CACNB2: variants seen among roughly 807,000 people sequenced by gnomAD.
The protein encoded by CACNB2 is calcium voltage-gated channel auxiliary subunit beta 2, also known as voltage-dependent L-type calcium channel subunit beta-2.
Under a neutral mutation model 73.3 loss-of-function variants are expected in CACNB2, and 42 were observed. The ratio of observed to expected loss-of-function variants is 0.57; its 90% CI spans 0.45 to 0.74. The LOEUF is 0.74. CACNB2 is among the 30% of genes least tolerant of loss of function. The pLI is 0.00. For missense variants in CACNB2, 940 were observed against 853.0 expected (o/e 1.10, Z -1.27); for synonymous variants, 348 against 310.3 (o/e 1.12, Z -1.28).
At chr10:18,255,501 T>G (rs2037247123) in intron 2 of CACNB2, among the ~76,000 whole-genome samples, 1 of 152,190 alleles carries the variant, frequency 6.6e-6, no homozygotes, top group African/African-American at 2.4e-5. Context: ...TTGATTCAAA[T>G]TGCCTTGCCC....
chr10:18,321,989 C>T (rs188865454), intron 2 of CACNB2, among the ~76,000 whole-genome samples: 1 of 152,032 alleles, frequency 6.6e-6, no homozygotes, highest in African/African-American at 2.4e-5. Context: ...TCTGTCTCTA[C>T]AAAAAATTAT....
intron 2 of CACNB2, chr10:18,181,887 T>A (rs767497985): frequency 2.6e-5 from 4 of 152,018 alleles, no homozygotes; most frequent in Non-Finnish European, 4.4e-5. Flanking sequence ...CTCCCAAAGT[T>A]CTGAGATTAC....
chr10:18,352,560 T>A (rs1026280275), intron 2 of CACNB2, among the ~76,000 whole-genome samples: 2 of 152,216 alleles, frequency 1.3e-5, no homozygotes, highest in Non-Finnish European at 2.9e-5. Context: ...AGCACTCTTG[T>A]TTACTTAGTT....
intron 5 of CACNB2, 105 bp downstream of exon 5, chr10:18,501,053 G>T (rs927410812): frequency 8.7e-7 from 1 of 1,150,768 alleles, no homozygotes; most frequent in Non-Finnish European, 1.3e-6. Flanking sequence ...TAACAAGGAG[G>T]CTGGTAATAT....
At chr10:18,305,653 G>C (rs2039699382) in intron 2 of CACNB2, among the ~76,000 whole-genome samples, 1 of 152,094 alleles carries the variant, frequency 6.6e-6, no homozygotes, top group African/African-American at 2.4e-5. Flanking sequence ...AGACAAACTG[G>C]AAGTCCCAAT....
At chr10:18,300,905 G>GA (rs1330628844) in intron 2 of CACNB2, among the ~76,000 whole-genome samples, 2 of 152,170 alleles carry the variant, frequency 1.3e-5, no homozygotes, top group South Asian at 2.1e-4. Context: ...TGACTTCTGG[G>GA]AAAAAAAGTA....
chr10:18,238,853 T>C (rs1044096176), intron 2 of CACNB2, among the ~76,000 whole-genome samples: 1 of 152,214 alleles, frequency 6.6e-6, no homozygotes, highest in Non-Finnish European at 1.5e-5. Context: ...CGTAAACCAT[T>C]CAACTATTTT....
At chr10:18,432,985 A>G (rs1302902451) in intron 3 of CACNB2, among the ~76,000 whole-genome samples, 1 of 152,212 alleles carries the variant, frequency 6.6e-6, no homozygotes, top group African/African-American at 2.4e-5. Context: ...GGTGTCAGCT[A>G]TCTTTTATGA....
At chr10:18,251,243 C>CTT (rs373174984) in intron 2 of CACNB2, among the ~76,000 whole-genome samples, 4 of 147,188 alleles carry the variant, frequency 2.7e-5, no homozygotes, top group Non-Finnish European at 3.0e-5. Flanking sequence ...TCTCTCGGCT[C>CTT]TTTTTTTTTT....
chr10:18,155,755 C>T (rs1330018006), intron 2 of CACNB2, among the ~76,000 whole-genome samples: 1 of 151,986 alleles, frequency 6.6e-6, no homozygotes, highest in Admixed American at 6.6e-5. Flanking sequence ...AGTTTTATGA[C>T]AGTGCAGTGG....
At chr10:18,290,825 C>T (rs1267952706) in intron 2 of CACNB2, among the ~76,000 whole-genome samples, 2 of 152,214 alleles carry the variant, frequency 1.3e-5, no homozygotes, top group Non-Finnish European at 2.9e-5. Context: ...CTAATCACTA[C>T]TGATAGTAGC....
intron 2 of CACNB2, among the ~76,000 whole-genome samples, chr10:18,240,984 A>T (rs2036627642): frequency 1.3e-5 from 2 of 152,182 alleles, no homozygotes; most frequent in Non-Finnish European, 2.9e-5. Context: ...ACTTAGGACA[A>T]ACCTGCCTCC....
intron 2 of CACNB2, among the ~76,000 whole-genome samples, chr10:18,353,400 ACT>A (rs1374024972): frequency 7.4e-6 from 1 of 134,992 alleles, no homozygotes; most frequent in African/African-American, 2.9e-5. Context: ...ACAGAGCAAG[ACT>A]CTGTCTCCAA....
intron 2 of CACNB2, among the ~76,000 whole-genome samples, chr10:18,246,295 A>T (rs906702726): frequency 1.3e-5 from 2 of 152,222 alleles, no homozygotes; most frequent in Admixed American, 6.5e-5. Flanking sequence ...TGCTCAGCAC[A>T]TAACAAGCAC....
intron 2 of CACNB2, among the ~76,000 whole-genome samples, chr10:18,287,364 A>G (rs2038849137): frequency 6.6e-6 from 1 of 152,164 alleles, no homozygotes; most frequent in East Asian, 1.9e-4. Flanking sequence ...AAATTCTGAC[A>G]TTTTTCCCTT....
At chr10:18,340,903 G>C in intron 2 of CACNB2, 1 of 1,614,032 alleles carries the variant, frequency 6.2e-7, no homozygotes, top group Non-Finnish European at 8.5e-7. Flanking sequence ...CTGGAGTGCT[G>C]GGCGCACTTG....
chr10:18,259,400 C>T (rs1222923035), intron 2 of CACNB2, among the ~76,000 whole-genome samples: 2 of 151,420 alleles, frequency 1.3e-5, no homozygotes, highest in African/African-American at 2.4e-5. Flanking sequence ...ACCCCTGTCT[C>T]TATAAAAAAA....
chr10:18,483,587 G>T (rs1194739774), intron 3 of CACNB2, among the ~76,000 whole-genome samples: 2 of 151,182 alleles, frequency 1.3e-5, no homozygotes, highest in African/African-American at 2.4e-5. Context: ...TAAAATAAAT[G>T]ATGAAATAAA....
chr10:18,325,918 T>C (rs572267289), intron 2 of CACNB2, among the ~76,000 whole-genome samples: 2 of 152,030 alleles, frequency 1.3e-5, no homozygotes, highest in South Asian at 4.2e-4. Flanking sequence ...CTCATTTTTG[T>C]ACTTTTTGTA....
Sources: gnomAD v4.1 joint callset for allele counts (sites outside exome capture counted in the v4.1 genomes callset) on GRCh38, gnomAD v4.1.1 for gene constraint, MANE v1.5 for transcripts, NCBI Gene and HGNC (gene_info 2026-07-23, HGNC 2026-07-21) for gene names.